The following DGAT2 variants were observed in gnomAD, a reference collection of about 807,000 sequenced individuals.
DGAT2 encodes the protein acyl-CoA retinol O-fatty-acyltransferase.
A neutral mutation model predicts 48.4 loss-of-function variants in DGAT2; 33 were observed. The ratio of observed to expected loss-of-function variants is 0.68; its 90% confidence interval spans 0.52 to 0.91. The LOEUF is 0.91. DGAT2 is among the 40% of genes least tolerant of loss of function. The pLI is 0.00. For synonymous variants in DGAT2, 191 were observed against 194.1 expected (o/e 0.98, Z 0.13); for missense variants, 446 against 493.7 (o/e 0.90, Z 0.92).
chr11:75,793,979 A>G (rs1945019776), intron 4 of DGAT2: 1 of 152,244 alleles, frequency 6.6e-6, no homozygotes, highest in African/African-American at 2.4e-5. Flanking sequence ...CCCACTAGCT[A>G]TGGATTAGAC....
intron 7 of DGAT2, among the ~76,000 whole-genome samples, chr11:75,798,840 A>G (rs371953237): frequency 1.7e-4 from 26 of 152,310 alleles, no homozygotes; most frequent in African/African-American, 5.5e-4. Context: ...TAGAGGAGGA[A>G]GAGAATTTTT....
At position 75,798,402 on chromosome 11, in the gene DGAT2, C is replaced by T; in HGVS notation, c.985C>T (p.Pro329Ser). ...LFSSDTWGLV[P>S]YSKPITTVVG... ...CTCCTCCGACACCTGGGGGCTGGTGCCCTACTCCAAGCCCATCACCACTGT... is the reference window on the plus strand; with the variant it reads ...CTCCTCCGACACCTGGGGGCTGGTGTCCTACTCCAAGCCCATCACCACTGT... The change falls in exon 7 of 8, where the codon CCC becomes TCC. Residue 329 changes from proline to serine, a missense_variant. Transcript: ENST00000228027. The T allele has an allele frequency of 6.2e-7, 1 of 1,613,538 alleles. No individual in the cohort carries two copies. The highest frequency in any genetic ancestry group is 8.5e-7 in the Non-Finnish European group (1 of 1,180,026).
chr11:75,797,046 T>G (rs1945063789), intron 5 of DGAT2, 112 bp from the exon 6 acceptor site: 4 of 1,097,772 alleles, frequency 3.6e-6, no homozygotes, highest in Non-Finnish European at 5.0e-6. Context: ...GGGGCTGGGC[T>G]AGGTCTGGGG....
At chr11:75,772,143 G>A (rs193218162) in intron 1 of DGAT2, among the ~76,000 whole-genome samples, 75 of 152,318 alleles carry the variant, frequency 4.9e-4, no homozygotes, top group South Asian at 1.5e-3. Context: ...TTTGCTGAAT[G>A]AGTGAAGGTT....
chr11:75,800,540 C>T lies in DGAT2; in HGVS notation c.*32C>T. 6.2e-7 allele frequency: 1 copy of T among 1,607,648 alleles called. No individual in the cohort carries two copies. Among genetic ancestry groups the T allele is most frequent in the Non-Finnish European group, 8.5e-7 (1 of 1,176,900 alleles). ...CTTCGGGGCCAATTCCCTGGAGGAA[C>T]CAGCTGCAAATCACTTTTTTGCTCT... On this transcript the variant is annotated 3_prime_UTR_variant, in exon 8 of 8. Transcript: ENST00000228027.
In DGAT2 at chr11:75,768,909, C is replaced by T; in HGVS notation, c.-83C>T. 2 of 1,357,820 alleles carry T rather than the reference C, an allele frequency of 1.5e-6. No homozygotes were observed. The highest frequency in any genetic ancestry group is 1.9e-6 in the Non-Finnish European group (2 of 1,059,222). The allele number at this position is 1,357,820 out of a possible 1,614,324, so 84.1% of individuals were successfully genotyped here. A position where few individuals can be genotyped will look rare whatever the true frequency, so the allele number is the denominator to read the frequency against. On this transcript the variant is annotated 5_prime_UTR_variant, in exon 1 of 8. Transcript: ENST00000228027. ...GGGACCCCTGTGCTCTGCGCGAAGC[C>T]CTGGCCCCGGGGGCCGGGGCATGGG... is the stretch of plus-strand genomic sequence containing the variant.
intron 3 of DGAT2, 67 bp downstream of exon 3, chr11:75,790,362 A>G: frequency 1.5e-6 from 2 of 1,340,364 alleles, no homozygotes; most frequent in Non-Finnish European, 2.1e-6. Flanking sequence ...CACAAGCTGA[A>G]GGGCCTCATC....
intron 3 of DGAT2, 60 bp from the exon 4 acceptor site, chr11:75,790,601 T>G: frequency 6.5e-7 from 1 of 1,533,148 alleles, no homozygotes; most frequent in Non-Finnish European, 9.0e-7. Flanking sequence ...GGCCCTGTCT[T>G]GTCTGCCTTG....
In DGAT2 at chr11:75,801,142, C is replaced by T. The variant is rs979797702; in HGVS notation, c.*634C>T. On this transcript the variant is annotated 3_prime_UTR_variant, in exon 8 of 8. Coordinates refer to ENST00000228027, the MANE Select transcript of DGAT2 (RefSeq NM_032564.5). Reference sequence around the variant, plus strand: ...CACCCTGCAGGGGAAAGGACTGCCCCCCATGCACCATTGCAGGGAGGATGC... The same window carrying T: ...CACCCTGCAGGGGAAAGGACTGCCCTCCATGCACCATTGCAGGGAGGATGC... The T allele has an allele frequency of 2.6e-5, 4 of 153,364 alleles. No homozygotes were observed. Among genetic ancestry groups the T allele is most frequent in the African/African-American group, 9.6e-5 (4 of 41,460 alleles). The allele number at this position is 153,364 out of a possible 1,614,324, so 9.5% of individuals were successfully genotyped here.
intron 1 of DGAT2, among the ~76,000 whole-genome samples, chr11:75,781,839 C>T (rs1326327752): frequency 1.3e-5 from 2 of 152,186 alleles, no homozygotes; most frequent in Non-Finnish European, 2.9e-5. Flanking sequence ...GAGGGTTGAA[C>T]AAGATGGCGT....
At chr11:75,796,069 G>C (rs551857837) in intron 4 of DGAT2, 21 of 491,884 alleles carry the variant, frequency 4.3e-5, no homozygotes, top group African/African-American at 3.9e-4. Context: ...GCTGCTGTGT[G>C]CATGGCTGAA....
intron 1 of DGAT2, among the ~76,000 whole-genome samples, chr11:75,773,050 G>A (rs1421994806): frequency 6.6e-6 from 1 of 152,236 alleles, no homozygotes; most frequent in East Asian, 1.9e-4. Context: ...CAGGAACCTT[G>A]TCTGTCTTTC....
chr11:75,786,390 C>A (rs528756737), intron 2 of DGAT2, among the ~76,000 whole-genome samples: 1 of 152,234 alleles, frequency 6.6e-6, no homozygotes, highest in South Asian at 2.1e-4. Context: ...CTCCCAGACC[C>A]CCTGCCTAGT....
At chr11:75,800,247 C>G (rs1214820543) in intron 7 of DGAT2, 107 bp from the exon 8 acceptor site, 1 of 1,342,560 alleles carries the variant, frequency 7.4e-7, no homozygotes, top group African/African-American at 1.5e-5. Flanking sequence ...TGGCACAGTT[C>G]CTTCCACATG....
chr11:75,775,696 C>A (rs1246041902), intron 1 of DGAT2, among the ~76,000 whole-genome samples: 2 of 152,174 alleles, frequency 1.3e-5, no homozygotes, highest in Non-Finnish European at 2.9e-5. Context: ...GTGCTGCAGT[C>A]TGACTAAACT....
intron 1 of DGAT2, among the ~76,000 whole-genome samples, chr11:75,775,580 G>T (rs1944796364): frequency 6.6e-6 from 1 of 152,166 alleles, no homozygotes; most frequent in Non-Finnish European, 1.5e-5. Flanking sequence ...GCTCTGACTG[G>T]CTGTCTTCTC....
intron 1 of DGAT2, chr11:75,776,516 GATGCCTGGT>G (rs1422386135): frequency 6.6e-6 from 1 of 152,300 alleles, no homozygotes; most frequent in Non-Finnish European, 1.5e-5. Context: ...GTGCCTGGTG[GATGCCTGGT>G]ATGCATGTGC....
Position 75,801,297 on chromosome 11 carries a change from AT to A in DGAT2, c.*791del, listed in dbSNP as rs1448764312. The stretch of plus-strand genomic sequence containing the variant: ...TCAGTTTACCTTCCCCAGATCCTAG[AT>A]TCTGGATGTGAGGAAGAGATCCCTC... On this transcript the variant is annotated 3_prime_UTR_variant, in exon 8 of 8. Coordinates refer to ENST00000228027, the MANE Select transcript of DGAT2 (RefSeq NM_032564.5). 1 of 152,528 alleles carries A rather than the reference AT, an allele frequency of 6.6e-6. No individual in the cohort carries two copies. Among genetic ancestry groups the A allele is most frequent in the African/African-American group, 2.4e-5 (1 of 41,396 alleles). The allele number at this position is 152,528 out of a possible 1,614,324, so 9.4% of individuals were successfully genotyped here. A position where few individuals can be genotyped will look rare whatever the true frequency, so the allele number is the denominator to read the frequency against.
At chr11:75,775,869 T>C (rs1215805434) in intron 1 of DGAT2, 1 of 152,254 alleles carries the variant, frequency 6.6e-6, no homozygotes, top group East Asian at 1.9e-4. Context: ...TGATCCTTTA[T>C]GTATAATTGT....
Sources: gnomAD v4.1 joint callset for allele counts (sites outside exome capture counted in the v4.1 genomes callset) on GRCh38, gnomAD v4.1.1 for gene constraint, MANE v1.5 for transcripts, NCBI Gene and HGNC (gene_info 2026-07-23, HGNC 2026-07-21) for gene names.